Variants in PTPRO observed in about 807,000 individuals in gnomAD.
PTPRO encodes the protein receptor-type tyrosine-protein phosphatase O.
Under a neutral mutation model 145.2 loss-of-function variants are expected in PTPRO, and 62 were observed. The observed-to-expected ratio is 0.43, with a 90% CI of 0.35 to 0.53. PTPRO has a LOEUF of 0.53. Among genes scored for constraint, PTPRO ranks in the 20% least tolerant of loss-of-function variants. The pLI, the probability that PTPRO is intolerant of heterozygous loss-of-function variation, is 0.01. For missense variants in PTPRO, 1,345 were observed against 1,482.7 expected, an observed-to-expected ratio of 0.91 and a Z score of 1.53; for synonymous variants, 565 against 514.7, an observed-to-expected ratio of 1.10 and a Z score of -1.32.
chr12:15,582,102 C>A (rs540397890), intron 23 of PTPRO, among the ~76,000 whole-genome samples: 1 of 152,230 alleles, frequency 6.6e-6, no homozygotes, highest in Non-Finnish European at 1.5e-5. Context: ...TTATCTGCAG[C>A]ATGAACGTGT....
At chr12:15,497,871 T>C (rs1259288126) in intron 3 of PTPRO, among the ~76,000 whole-genome samples, 3 of 152,200 alleles carry the variant, frequency 2.0e-5, no homozygotes, top group Non-Finnish European at 2.9e-5. Context: ...ATACAAAAAT[T>C]AGTTTCGCTT....
chr12:15,558,329 C>T (rs1943690864), intron 16 of PTPRO, among the ~76,000 whole-genome samples: 1 of 152,182 alleles, frequency 6.6e-6, no homozygotes, highest in South Asian at 2.1e-4. Context: ...AGTTCTCATG[C>T]TTACAGATAA....
intron 10 of PTPRO, among the ~76,000 whole-genome samples, chr12:15,520,707 A>T (rs989653962): frequency 1.1e-4 from 16 of 152,152 alleles, no homozygotes; most frequent in African/African-American, 3.9e-4. Flanking sequence ...GCCATTTTTA[A>T]AGTCATAGGC....
chr12:15,467,379 T>C (rs1018606331), intron 1 of PTPRO, among the ~76,000 whole-genome samples: 11 of 151,364 alleles, frequency 7.3e-5, no homozygotes, highest in Non-Finnish European at 1.3e-4. Context: ...GTATGTGCTC[T>C]CCTGCTTTTA....
At chr12:15,437,267 G>A (rs1405786271) in intron 1 of PTPRO, among the ~76,000 whole-genome samples, 1 of 151,890 alleles carries the variant, frequency 6.6e-6, no homozygotes, top group East Asian at 2.0e-4. Context: ...AGATCTCCAG[G>A]CATTCAGAGC....
rs75229593 is a variant in PTPRO, at chr12:15,525,901, A to C, written c.2044-241A>C. 3.8e-3 allele frequency among the ~76,000 whole-genome samples: 584 copies of C among 152,340 alleles called. 2 individuals carry two copies. Among genetic ancestry groups the C allele is most frequent in the Admixed American group, 7.1e-3 (109 of 15,306 alleles). ...GTCAGAATGAGACCCATTCCAAATA[A>C]GGGAATTCATTGCAAAATTTTTCTG... On this transcript the variant is annotated intron_variant, in intron 11 of 26. Transcript: ENST00000281171.
intron 1 of PTPRO, among the ~76,000 whole-genome samples, chr12:15,405,513 T>C (rs1374552557): frequency 6.6e-6 from 1 of 152,216 alleles, no homozygotes; most frequent in East Asian, 1.9e-4. Flanking sequence ...CATATGCCTT[T>C]GGTTAATACA....
intron 12 of PTPRO, among the ~76,000 whole-genome samples, chr12:15,531,056 T>C (rs1209911365): frequency 6.6e-6 from 1 of 151,944 alleles, no homozygotes; most frequent in Non-Finnish European, 1.5e-5. Context: ...ACCTCATAAA[T>C]ACAAAGAATC....
intron 1 of PTPRO, chr12:15,348,627 A>T (rs1937675769): frequency 6.6e-6 from 1 of 152,288 alleles, no homozygotes; most frequent in Admixed American, 6.5e-5. Context: ...TCTACTAAAA[A>T]TACAAAAAAA....
chr12:15,366,901 A>G (rs1938378569), intron 1 of PTPRO, among the ~76,000 whole-genome samples: 2 of 152,192 alleles, frequency 1.3e-5, no homozygotes, highest in African/African-American at 4.8e-5. Context: ...ATTTATTTCA[A>G]GTCAACCAAG....
intron 1 of PTPRO, among the ~76,000 whole-genome samples, chr12:15,396,080 A>G (rs1939330778): frequency 6.6e-6 from 1 of 152,176 alleles, no homozygotes; most frequent in African/African-American, 2.4e-5. Flanking sequence ...TTTTTAGAAG[A>G]TCCCATATTC....
chr12:15,439,833 A>G (rs1940708360), intron 1 of PTPRO: 6 of 618,942 alleles, frequency 9.7e-6, no homozygotes, highest in African/African-American at 1.8e-5. Context: ...TCTCTCAAGA[A>G]CAAGGATTTG....
chr12:15,486,444 C>T (rs918078087), intron 2 of PTPRO, among the ~76,000 whole-genome samples: 13 of 152,114 alleles, frequency 8.5e-5, no homozygotes, highest in Non-Finnish European at 1.5e-4. Flanking sequence ...AAAAGGGTTT[C>T]CTGCAGACAG....
At position 15,426,135 on chromosome 12, in the gene PTPRO, T is replaced by C. The variant is rs1349834710; in HGVS notation, c.76-57839T>C. ...AGTTTTTTTCTTAAGTCTTACACAA[T>C]GTTTGGTAAGCTTATTTCTAAGTAT... is the stretch of plus-strand genomic sequence containing the variant. On this transcript the variant is annotated intron_variant, in intron 1 of 26. Coordinates refer to ENST00000281171, the MANE Select transcript of PTPRO (RefSeq NM_030667.3). 2.0e-5 allele frequency among the ~76,000 whole-genome samples: 3 copies of C among 151,632 alleles called. No homozygotes were observed. The East Asian group carries it at 5.8e-4, about 29-fold the overall frequency.
At chr12:15,528,809 A>G (rs959733827) in intron 12 of PTPRO, among the ~76,000 whole-genome samples, 6 of 152,178 alleles carry the variant, frequency 3.9e-5, no homozygotes, top group African/African-American at 1.4e-4. Context: ...CAGGTAAACA[A>G]GCTGCAATTC....
intron 1 of PTPRO, among the ~76,000 whole-genome samples, chr12:15,450,263 A>C (rs1941011238): frequency 6.6e-6 from 1 of 150,906 alleles, no homozygotes; most frequent in African/African-American, 2.4e-5. Context: ...ACTATGAGGA[A>C]TTTACCAGTT....
intron 1 of PTPRO, among the ~76,000 whole-genome samples, chr12:15,454,756 A>T (rs771729553): frequency 1.8e-4 from 28 of 152,156 alleles, no homozygotes; most frequent in Non-Finnish European, 3.4e-4. Context: ...AATAATTTTT[A>T]TGTAGGGAAA....
At chr12:15,398,728 T>A (rs1939412489) in intron 1 of PTPRO, among the ~76,000 whole-genome samples, 1 of 152,144 alleles carries the variant, frequency 6.6e-6, no homozygotes, top group Non-Finnish European at 1.5e-5. Flanking sequence ...AAGTAGATCT[T>A]CAATGAATAT....
At chr12:15,494,619 A>T (rs1045939626) in intron 2 of PTPRO, among the ~76,000 whole-genome samples, 3 of 152,076 alleles carry the variant, frequency 2.0e-5, no homozygotes, top group African/African-American at 4.8e-5. Flanking sequence ...AGGGAAACAT[A>T]AAAAAAACAT....
Sources: gnomAD v4.1 joint callset for allele counts (sites outside exome capture counted in the v4.1 genomes callset) on GRCh38, gnomAD v4.1.1 for gene constraint, MANE v1.5 for transcripts, NCBI Gene and HGNC (gene_info 2026-07-23, HGNC 2026-07-21) for gene names.